DLAT: variants seen among roughly 807,000 people sequenced by gnomAD.
The protein encoded by DLAT is dihydrolipoamide S-acetyltransferase, also known as dihydrolipoyllysine-residue acetyltransferase component of pyruvate dehydrogenase complex, mitochondrial.
A neutral mutation model predicts 68.0 loss-of-function variants in DLAT; 43 were observed. That is an observed-to-expected ratio of 0.63 (90% CI 0.50 to 0.81). The LOEUF is 0.81. Ranked by LOEUF, DLAT falls within the 40% of genes least tolerant of loss-of-function variation. DLAT has a pLI of 0.00. For missense variants in DLAT, 745 were observed against 815.4 expected (o/e 0.91, Z 1.05); for synonymous variants, 265 against 288.6 (o/e 0.92, Z 0.83).
chr11:112,043,936 T>C (rs1464965757), intron 8 of DLAT, among the ~76,000 whole-genome samples: 1 of 152,224 alleles, frequency 6.6e-6, no homozygotes. Flanking sequence ...CATCTGTTTT[T>C]TTCTGGAATA....
chr11:112,026,240 A>G lies in DLAT; in HGVS notation c.322A>G (p.Ile108Val). 7 of 1,611,408 alleles carry G rather than the reference A, an allele frequency of 4.3e-6. No individual in the cohort carries two copies. Among genetic ancestry groups the G allele is most frequent in the Non-Finnish European group, 5.9e-6 (7 of 1,178,900 alleles). ...TTCCCCCACAATGCAGGCAGGCACC[A>G]TAGCCCGTTGGGAAAAAAAAGAGGG... Reference protein sequence around the residue: ...SLSPTMQAGTIARWEKKEGDK... With the variant: ...SLSPTMQAGTVARWEKKEGDK... The change falls in exon 2 of 14, where the codon ATA (isoleucine) becomes GTA (valine). Residue 108 changes from isoleucine to valine, a missense_variant. Ile to Val is a conservative substitution (Grantham distance 29). Transcript: ENST00000280346.
At chr11:112,061,504 G>C in intron 13 of DLAT, 1 of 312,076 alleles carries the variant, frequency 3.2e-6, no homozygotes, top group South Asian at 3.3e-5. Context: ...TCCATGGTTG[G>C]TTGAATCTAT....
chr11:112,041,315 A>G (rs979232175), intron 7 of DLAT, among the ~76,000 whole-genome samples: 52 of 152,302 alleles, frequency 3.4e-4, no homozygotes, highest in South Asian at 2.1e-4. Flanking sequence ...TTTTGTTATT[A>G]AATAAGATGA....
rs1862527673 is a variant in DLAT at position 112,033,468 on chromosome 11, T to A, written c.725T>A (p.Val242Glu). Residue 242 changes from valine to glutamate, a missense_variant, in exon 5 of 14, where the codon GTG becomes GAG. Val to Glu is a moderately radical substitution (Grantham distance 121, BLOSUM62 -2). Transcript: ENST00000280346. The part of the protein sequence containing the change: ...MGTVQRWEKK[V>E]GEKLSEGDLL... ...ACAGTTCAGAGATGGGAAAAAAAAG[T>A]GGGTGAGAAGCTAAGTGAAGGAGAC... 1 of 1,613,488 alleles carries A rather than the reference T, an allele frequency of 6.2e-7. No homozygotes were observed.
chr11:112,051,342 A>G lies in DLAT; in HGVS notation c.1507A>G (p.Ile503Val), dbSNP rs1555181983. ...AAATTCTTCTTGGATGGACACAGTT[A>G]TAAGACAGTAAGTATAACTGGGGAA... ...EANSSWMDTVIRQNHVVDVSV... is the reference protein window; with the variant it reads ...EANSSWMDTVVRQNHVVDVSV... The change falls in exon 11 of 14, where the codon ATA (isoleucine) becomes GTA (valine). Residue 503 changes from isoleucine to valine, a missense_variant. By Grantham distance (29) the Ile-to-Val change is conservative. Transcript: ENST00000280346. This position sits in a 1 kb window ranked among gnomAD's most constrained non-coding sequence, Gnocchi z 4.3. 4 of 1,605,610 alleles carry G rather than the reference A, an allele frequency of 2.5e-6. No homozygotes were observed. In the South Asian group the frequency reaches 3.3e-5, roughly 13 times the overall value.
At chr11:112,055,810 A>T (rs1392392635) in intron 11 of DLAT, among the ~76,000 whole-genome samples, 2 of 126,608 alleles carry the variant, frequency 1.6e-5, no homozygotes, top group African/African-American at 5.9e-5. Flanking sequence ...TTTTTTTTTA[A>T]TATTCCTTTA....
chr11:112,033,854 G>A (rs1317484239), intron 5 of DLAT, among the ~76,000 whole-genome samples: 1 of 152,046 alleles, frequency 6.6e-6, no homozygotes, highest in Non-Finnish European at 1.5e-5. Context: ...CTCACAAGTA[G>A]GTAGGACTAC....
rs1555181366 is a variant in DLAT at position 112,045,223 on chromosome 11, T to C, written c.1283T>C (p.Ile428Thr). The C allele has an allele frequency of 1.2e-6, 2 of 1,613,572 alleles. No individual in the cohort carries two copies. The highest frequency in any genetic ancestry group is 3.3e-5 in the Admixed American group (2 of 60,016). Residue 428 changes from isoleucine (I) to threonine (T), a missense_variant, in exon 9 of 14, where the codon ATT (isoleucine) becomes ACT (threonine). Transcript: ENST00000280346. The part of the protein sequence containing the change: ...GVFTDIPISN[I>T]RRVIAQRLMQ... Reference sequence around the variant, plus strand: ...TTCACAGATATCCCAATCAGCAACATTCGTCGGGTAAGAGAATTACCATCA... The same window carrying C: ...TTCACAGATATCCCAATCAGCAACACTCGTCGGGTAAGAGAATTACCATCA...
At chr11:112,044,665 T>A (rs1483888640) in intron 8 of DLAT, among the ~76,000 whole-genome samples, 1 of 151,916 alleles carries the variant, frequency 6.6e-6, no homozygotes, top group Admixed American at 6.6e-5. Context: ...GAATTCTAAG[T>A]AAAAAAATTA....
At chr11:112,056,565 C>T (rs1864100901) in intron 11 of DLAT, among the ~76,000 whole-genome samples, 1 of 152,092 alleles carries the variant, frequency 6.6e-6, no homozygotes, top group Non-Finnish European at 1.5e-5. Flanking sequence ...TATCAATATA[C>T]CTCTTTATCA....
chr11:112,053,705 G>A (rs1388257476), intron 11 of DLAT, among the ~76,000 whole-genome samples: 1 of 152,064 alleles, frequency 6.6e-6, no homozygotes, highest in Non-Finnish European at 1.5e-5. Context: ...CGCCCACCTT[G>A]GCCTCCCAAA....
At chr11:112,041,375 G>C (rs2137773056) in intron 7 of DLAT, among the ~76,000 whole-genome samples, 1 of 152,316 alleles carries the variant, frequency 6.6e-6, no homozygotes, top group South Asian at 2.1e-4. Context: ...GTGAGTGAAA[G>C]GGTGAATGGA....
At chr11:112,046,395 C>CA (rs1272479842) in intron 10 of DLAT, among the ~76,000 whole-genome samples, 2 of 151,520 alleles carry the variant, frequency 1.3e-5, no homozygotes, top group African/African-American at 2.4e-5. Flanking sequence ...GTATCCTTGT[C>CA]AAAATTAATC....
At chr11:112,056,141 C>CA (rs1864055096) in intron 11 of DLAT, among the ~76,000 whole-genome samples, 1 of 151,968 alleles carries the variant, frequency 6.6e-6, no homozygotes, top group Admixed American at 6.6e-5. Context: ...GCTGGGATTA[C>CA]AGCATGAGCC....
rs1263666601 is a variant in DLAT at position 112,025,590 on chromosome 11, C to T, written c.118C>T (p.Pro40Ser). The T allele has an allele frequency of 6.2e-7, 1 of 1,613,836 alleles. No individual in the cohort carries two copies. Among genetic ancestry groups the T allele is most frequent in the Non-Finnish European group, 8.5e-7 (1 of 1,179,998 alleles). Residue 40 changes from proline to serine, a missense_variant, in exon 1 of 14, where the codon CCG becomes TCG. Coordinates refer to ENST00000280346, the MANE Select transcript of DLAT (RefSeq NM_001931.5). The stretch of plus-strand genomic sequence containing the variant: ...TCCACGAGTGACCTCGCGATCTGGC[C>T]CGGCTCCCGCTCGTCGCAACAGCGT... ...GTPRVTSRSG[P>S]APARRNSVTT... is the part of the protein sequence containing the mutation.
chr11:112,029,408 T>G (rs781936785), intron 4 of DLAT, among the ~76,000 whole-genome samples: 1 of 152,102 alleles, frequency 6.6e-6, no homozygotes, highest in Non-Finnish European at 1.5e-5. Context: ...GTTTCTCTTG[T>G]GGCCACAGGA....
chr11:112,053,059 C>T (rs781989166), intron 11 of DLAT, among the ~76,000 whole-genome samples: 3 of 152,164 alleles, frequency 2.0e-5, no homozygotes, highest in Non-Finnish European at 2.9e-5. Context: ...GCCGGGCTCA[C>T]ACCTGTAATC....
chr11:112,026,462 G>T (rs1862020751), intron 2 of DLAT, among the ~76,000 whole-genome samples, 163 bp downstream of exon 2: 1 of 152,120 alleles, frequency 6.6e-6, no homozygotes, highest in South Asian at 2.1e-4. Context: ...CTAGGCAGAG[G>T]ATCCTGCGGC....
At chr11:112,029,833 G>C (rs1270386828) in intron 4 of DLAT, 18 of 590,456 alleles carry the variant, frequency 3.0e-5, no homozygotes, top group Non-Finnish European at 5.3e-5. Context: ...TCTTGGTCTG[G>C]ACTACATCTC....
Sources: gnomAD v4.1 joint callset for allele counts (sites outside exome capture counted in the v4.1 genomes callset) on GRCh38, gnomAD v4.1.1 for gene constraint, Gnocchi (gnomAD v3.1) non-coding constraint, MANE v1.5 for transcripts, NCBI Gene and HGNC (gene_info 2026-07-23, HGNC 2026-07-21) for gene names.